The following FANCC variants were observed in gnomAD, a reference collection of about 807,000 sequenced individuals.
The protein encoded by FANCC is Fanconi anemia group C protein.
In FANCC, 55 loss-of-function variants were observed where a neutral mutation model predicts 71.3. That is an observed-to-expected ratio of 0.77 (90% CI 0.62 to 0.97). The LOEUF is 0.97. Ranked by LOEUF, FANCC falls within the 50% of genes least tolerant of loss-of-function variation. The pLI is 0.00. For missense variants in FANCC, 678 were observed against 670.9 expected, an observed-to-expected ratio of 1.01 and a Z score of -0.12; for synonymous variants, 275 against 244.9, an observed-to-expected ratio of 1.12 and a Z score of -1.15.
At chr9:95,298,371 G>A in intron 1 of FANCC, among the ~76,000 whole-genome samples, 1 of 152,196 alleles carries the variant, frequency 6.6e-6, no homozygotes, top group East Asian at 1.9e-4. Flanking sequence ...AGGGCATGGT[G>A]AGTACAAGAG....
At chr9:95,216,307 T>C (rs545046470) in intron 4 of FANCC, among the ~76,000 whole-genome samples, 188 of 152,354 alleles carry the variant, frequency 1.2e-3, no homozygotes, top group African/African-American at 4.3e-3. Flanking sequence ...ATTCTAAATG[T>C]GTTTATACAC....
At chr9:95,309,027 G>A (rs1370390457) in intron 1 of FANCC, among the ~76,000 whole-genome samples, 2 of 152,044 alleles carry the variant, frequency 1.3e-5, no homozygotes, top group Non-Finnish European at 2.9e-5. Context: ...AAAGATATTT[G>A]TATTGCACTT....
chr9:95,290,491 G>C (rs1833936323), intron 1 of FANCC, among the ~76,000 whole-genome samples: 1 of 152,088 alleles, frequency 6.6e-6, no homozygotes, highest in Non-Finnish European at 1.5e-5. Flanking sequence ...AGTTTATTTG[G>C]ACAATAAAGG....
chr9:95,275,554 G>C (rs1262840148), intron 1 of FANCC, among the ~76,000 whole-genome samples: 3 of 152,066 alleles, frequency 2.0e-5, no homozygotes, highest in Non-Finnish European at 4.4e-5. Flanking sequence ...CACTCTGGTG[G>C]GGGATGTTGA....
In FANCC at chr9:95,101,015, T is replaced by C. The variant is rs996840650; in HGVS notation, c.*692A>G. 1.7e-5 allele frequency: 4 copies of C among 233,560 alleles called. No individual in the cohort carries two copies. Among genetic ancestry groups the C allele is most frequent in the African/African-American group, 8.8e-5 (4 of 45,350 alleles). The allele number at this position is 233,560 out of a possible 1,614,324, so 14.5% of individuals were successfully genotyped here. ...ACTGAATTAATCCTGCCTTCTAATG[T>C]TTCTGGAACACATCCTCTACCTTCG... On this transcript the variant is annotated 3_prime_UTR_variant, in exon 15 of 15. Transcript: ENST00000289081.
rs1043137022 is a variant in FANCC, at chr9:95,101,035, C to T, written c.*672G>A. On this transcript the variant is annotated 3_prime_UTR_variant, in exon 15 of 15. Transcript: ENST00000289081. The stretch of plus-strand genomic sequence containing the variant: ...TAATGTTTCTGGAACACATCCTCTA[C>T]CTTCGCCTGCCGGCTCCTCTGATGT... The T allele has an allele frequency of 8.5e-6, 2 of 234,200 alleles. No individual in the cohort carries two copies. The highest frequency in any genetic ancestry group is 4.4e-5 in the African/African-American group (2 of 45,350). 14.5% of individuals were successfully genotyped at this position (234,200 alleles called of 1,614,324 possible). A position where few individuals can be genotyped will look rare whatever the true frequency, so the allele number is the denominator to read the frequency against.
At chr9:95,138,754 C>T (rs923597519) in intron 7 of FANCC, among the ~76,000 whole-genome samples, 3 of 152,194 alleles carry the variant, frequency 2.0e-5, no homozygotes, top group Admixed American at 6.5e-5. Context: ...GCCAGGCCGC[C>T]AGGAGCAGCA....
intron 4 of FANCC, among the ~76,000 whole-genome samples, chr9:95,192,000 C>T (rs911611349): frequency 6.6e-6 from 1 of 152,078 alleles, no homozygotes; most frequent in Admixed American, 6.5e-5. Flanking sequence ...GGACATATCT[C>T]TCTTAAGGCC....
Position 95,225,604 on chromosome 9 carries a change from G to T in FANCC, c.345+15045C>A, listed in dbSNP as rs545128338. On this transcript the variant is annotated intron_variant, in intron 4 of 14. Transcript: ENST00000289081. Reference sequence around the variant, plus strand: ...GAAAACATAAAACAGGTCATCCGGAGAACATCAGTAAATACCATAAACATC... The same window carrying T: ...GAAAACATAAAACAGGTCATCCGGATAACATCAGTAAATACCATAAACATC... Among the ~76,000 whole-genome samples, 13 of 152,290 alleles carry T rather than the reference G, an allele frequency of 8.5e-5. No individual in the cohort carries two copies. In the East Asian group the frequency reaches 2.5e-3, roughly 29 times the overall value.
chr9:95,157,127 G>GTT (rs11404119), intron 6 of FANCC, among the ~76,000 whole-genome samples: 12 of 150,480 alleles, frequency 8.0e-5, no homozygotes, highest in South Asian at 2.1e-4. Flanking sequence ...GTTTTCCTGT[G>GTT]TTTTTTTTTC....
At chr9:95,128,442 C>A (rs1826346836) in intron 8 of FANCC, among the ~76,000 whole-genome samples, 2 of 152,314 alleles carry the variant, frequency 1.3e-5, no homozygotes, top group African/African-American at 2.4e-5. Flanking sequence ...AATTAAATTT[C>A]TTTTTTCTAA....
chr9:95,169,836 G>A (rs1825550683), intron 6 of FANCC, among the ~76,000 whole-genome samples: 1 of 152,142 alleles, frequency 6.6e-6, no homozygotes, highest in Non-Finnish European at 1.5e-5. Flanking sequence ...TGTCATTCCT[G>A]AAGAACGCCT....
At chr9:95,177,507 T>G (rs568761992) in intron 4 of FANCC, among the ~76,000 whole-genome samples, 1 of 152,348 alleles carries the variant, frequency 6.6e-6, no homozygotes, top group African/African-American at 2.4e-5. Context: ...AAACTATTCT[T>G]AGCTTACCGC....
At chr9:95,175,719 G>C (rs916226911) in intron 4 of FANCC, among the ~76,000 whole-genome samples, 6 of 152,260 alleles carry the variant, frequency 3.9e-5, no homozygotes, top group African/African-American at 1.4e-4. Flanking sequence ...GCGGAGGGTG[G>C]GGCCTGCACA....
intron 1 of FANCC, among the ~76,000 whole-genome samples, chr9:95,291,966 AAATAT>A (rs1387295958): frequency 5.6e-5 from 5 of 89,770 alleles, no homozygotes; most frequent in Admixed American, 1.4e-4. Flanking sequence ...AAAAAAAAAA[AAATAT>A]ATATATATAT....
intron 11 of FANCC, among the ~76,000 whole-genome samples, chr9:95,115,826 C>A (rs942569427): frequency 6.6e-6 from 1 of 152,174 alleles, no homozygotes; most frequent in Non-Finnish European, 1.5e-5. Context: ...ATGTTTATTT[C>A]GCATTTCCTC....
chr9:95,297,951 G>C (rs1194751740), intron 1 of FANCC, among the ~76,000 whole-genome samples: 1 of 152,160 alleles, frequency 6.6e-6, no homozygotes, highest in Admixed American at 6.6e-5. Flanking sequence ...ACAAAACAGA[G>C]TAAGGACTCT....
chr9:95,250,149 C>T (rs1470349940), intron 1 of FANCC, among the ~76,000 whole-genome samples: 1 of 152,146 alleles, frequency 6.6e-6, no homozygotes, highest in African/African-American at 2.4e-5. Context: ...CTCAGCGGCT[C>T]CAGCTGCCCC....
chr9:95,208,184 G>A (rs1312790638), intron 4 of FANCC, among the ~76,000 whole-genome samples: 1 of 131,660 alleles, frequency 7.6e-6, no homozygotes, highest in Non-Finnish European at 1.5e-5. Context: ...GGCAACCACT[G>A]CCTCCCGAGT....
Sources: allele counts gnomAD v4.1 joint callset (sites outside exome capture counted in the v4.1 genomes callset), GRCh38; gene constraint gnomAD v4.1.1; transcripts MANE v1.5; gene names NCBI Gene and HGNC (gene_info 2026-07-23, HGNC 2026-07-21).